Variants in DLGAP2 observed in about 807,000 individuals in gnomAD.
DLGAP2 encodes the protein disks large-associated protein 2.
DLGAP2 carries 26 observed loss-of-function variants against 100.3 expected under a neutral mutation model. That is an observed-to-expected ratio of 0.26 (90% confidence interval 0.19 to 0.36). The LOEUF is 0.36. DLGAP2 is among the 10% of genes least tolerant of loss of function. The pLI is 1.00. For synonymous variants in DLGAP2, 886 were observed against 630.1 expected (o/e 1.41, Z -6.08); for missense variants, 1,858 against 1,453.2 (o/e 1.28, Z -4.53).
intron 8 of DLGAP2, among the ~76,000 whole-genome samples, chr8:1,662,992 TGA>T (rs913375637): frequency 6.8e-6 from 1 of 147,470 alleles, no homozygotes; most frequent in Non-Finnish European, 1.5e-5. Context: ...TGTACATGTG[TGA>T]GTGTGGGGTG....
chr8:1,699,394 A>G (rs1799505293), intron 14 of DLGAP2, among the ~76,000 whole-genome samples: 1 of 151,922 alleles, frequency 6.6e-6, no homozygotes, highest in Non-Finnish European at 1.5e-5. Flanking sequence ...TCATGAGGTC[A>G]GGAGATCAAG....
At chr8:875,098 T>G (rs1233198312) in intron 1 of DLGAP2, among the ~76,000 whole-genome samples, 4 of 152,236 alleles carry the variant, frequency 2.6e-5, no homozygotes, top group Non-Finnish European at 5.9e-5. Context: ...GCATAATATA[T>G]TTTTCTATCC....
At chr8:1,454,366 T>TTTATC (rs1182888339) in intron 3 of DLGAP2, among the ~76,000 whole-genome samples, 52 of 152,000 alleles carry the variant, frequency 3.4e-4, no homozygotes, top group Non-Finnish European at 2.9e-5. Context: ...TTTTTTTTTT[T>TTTATC]TATCTTTTCT....
intron 2 of DLGAP2, among the ~76,000 whole-genome samples, chr8:986,605 A>C (rs1335734398): frequency 6.6e-6 from 1 of 152,106 alleles, no homozygotes; most frequent in Non-Finnish European, 1.5e-5. Flanking sequence ...CTGGAGGAGA[A>C]AAGGAGACTA....
chr8:1,447,956 A>C lies in DLGAP2; in HGVS notation c.107-53410A>C, dbSNP rs185592191. On this transcript the variant is annotated intron_variant, in intron 3 of 14. Transcript: ENST00000637795. Reference sequence around the variant, plus strand: ...TATCCCCTTTATCTTTTTTTATTGCATCTATTTGATTCTTCTCTCTTTTCT... The same window carrying C: ...TATCCCCTTTATCTTTTTTTATTGCCTCTATTTGATTCTTCTCTCTTTTCT... 6.4e-3 allele frequency among the ~76,000 whole-genome samples: 974 copies of C among 151,656 alleles called. 10 individuals carry two copies. The highest frequency in any genetic ancestry group is 0.022 in the African/African-American group (900 of 41,376).
At chr8:1,235,434 C>T (rs1419519581) in intron 2 of DLGAP2, among the ~76,000 whole-genome samples, 1 of 152,150 alleles carries the variant, frequency 6.6e-6, no homozygotes, top group African/African-American at 2.4e-5. Context: ...AGTTCCCTCA[C>T]ACATGGCGTC....
intron 2 of DLGAP2, among the ~76,000 whole-genome samples, chr8:1,184,260 C>T (rs891271272): frequency 6.6e-6 from 1 of 152,186 alleles, no homozygotes; most frequent in African/African-American, 2.4e-5. Context: ...AAATATGAAG[C>T]ATTTGTGATT....
intron 2 of DLGAP2, among the ~76,000 whole-genome samples, chr8:1,212,634 A>G (rs1798128676): frequency 6.6e-6 from 1 of 152,110 alleles, no homozygotes; most frequent in African/African-American, 2.4e-5. Context: ...GCCTGGAGGA[A>G]GTGACTTATA....
At chr8:850,154 G>C (rs76192114) in intron 1 of DLGAP2, among the ~76,000 whole-genome samples, 16,862 of 151,866 alleles carry the variant, frequency 0.11, 1,413 homozygotes, top group Admixed American at 0.27. Flanking sequence ...TGTCAGATGT[G>C]ACATTTGCAG....
intron 6 of DLGAP2, among the ~76,000 whole-genome samples, chr8:1,603,368 A>T (rs925177653): frequency 2.0e-5 from 3 of 149,136 alleles, no homozygotes; most frequent in African/African-American, 7.5e-5. Context: ...GAGGCTGGTT[A>T]GAATGGAGGC....
chr8:1,622,511 A>C (rs1797371888), intron 6 of DLGAP2: 1 of 152,232 alleles, frequency 6.6e-6, no homozygotes, highest in African/African-American at 2.4e-5. Context: ...TTCTGAGCCC[A>C]GGATTCAGCA....
At chr8:912,591 A>T (rs943878255) in intron 2 of DLGAP2, among the ~76,000 whole-genome samples, 1 of 151,592 alleles carries the variant, frequency 6.6e-6, no homozygotes, top group South Asian at 2.1e-4. Flanking sequence ...TCTCCAGCTC[A>T]TTGGAGCCGG....
intron 2 of DLGAP2, among the ~76,000 whole-genome samples, chr8:1,107,609 A>C (rs1563196112): frequency 6.6e-6 from 1 of 152,200 alleles, no homozygotes; most frequent in Non-Finnish European, 1.5e-5. Context: ...CGAGAATCCT[A>C]GGAGAATGGG....
chr8:980,073 G>A (rs1339897659), intron 2 of DLGAP2, among the ~76,000 whole-genome samples: 1 of 152,186 alleles, frequency 6.6e-6, no homozygotes, highest in African/African-American at 2.4e-5. Flanking sequence ...AAACGATAGT[G>A]CCATTCGTGC....
chr8:1,206,906 C>G (rs760596346), intron 2 of DLGAP2, among the ~76,000 whole-genome samples: 1 of 152,098 alleles, frequency 6.6e-6, no homozygotes, highest in African/African-American at 2.4e-5. Flanking sequence ...CCCCCGGCCC[C>G]GTCTCCATCC....
chr8:816,748 G>A (rs1300187777), intron 1 of DLGAP2, among the ~76,000 whole-genome samples: 1 of 152,128 alleles, frequency 6.6e-6, no homozygotes, highest in Non-Finnish European at 1.5e-5. Context: ...TGAGATTCTT[G>A]TATTTGGGTG....
intron 10 of DLGAP2, among the ~76,000 whole-genome samples, chr8:1,674,136 C>G (rs1263485552): frequency 6.6e-6 from 1 of 152,204 alleles, no homozygotes; most frequent in East Asian, 1.9e-4. Context: ...TAACTGCAGC[C>G]TCAGTGTCCT....
chr8:1,437,377 C>T (rs1563148269), intron 3 of DLGAP2, among the ~76,000 whole-genome samples: 1 of 152,234 alleles, frequency 6.6e-6, no homozygotes, highest in East Asian at 1.9e-4. Context: ...TGAATGTGCC[C>T]CCTCATTAAG....
rs3080806 is a variant in DLGAP2, at chr8:1,135,503, GT to G, written c.74-123324del. Reference sequence around the variant, plus strand: ...GGATCCTAGAAGGGTTTTTTTGTGGGTTTTTTTTTTTTTTTTTTTTTTTTGT... The same window carrying G: ...GGATCCTAGAAGGGTTTTTTTGTGGGTTTTTTTTTTTTTTTTTTTTTTTGT... On this transcript the variant is annotated intron_variant, in intron 2 of 14. Coordinates refer to ENST00000637795, the MANE Select transcript of DLGAP2 (RefSeq NM_001346810.2). 4.0e-3 allele frequency among the ~76,000 whole-genome samples: 372 copies of G among 92,190 alleles called. 1 individual carries two copies. The highest frequency in any genetic ancestry group is 0.01 in the African/African-American group (253 of 25,268). The allele number at this position is 92,190 out of a possible 152,430, so 60.5% of individuals were successfully genotyped here. A position where few individuals can be genotyped will look rare whatever the true frequency, so the allele number is the denominator to read the frequency against.
Sources: gnomAD v4.1 joint callset for allele counts (sites outside exome capture counted in the v4.1 genomes callset) on GRCh38, gnomAD v4.1.1 for gene constraint, MANE v1.5 for transcripts, NCBI Gene and HGNC (gene_info 2026-07-23, HGNC 2026-07-21) for gene names.